Variants in RBFOX1 observed in about 807,000 individuals in gnomAD.
RBFOX1 encodes the protein RNA binding fox-1 homolog 1, also known as RNA binding protein fox-1 homolog 1.
In RBFOX1, 8 loss-of-function variants were observed where a neutral mutation model predicts 57.7. That is an observed-to-expected ratio of 0.14 (90% confidence interval 0.08 to 0.25). RBFOX1 has a LOEUF of 0.25. Ranked by LOEUF, RBFOX1 falls within the 10% of genes least tolerant of loss-of-function variation. RBFOX1 has a pLI of 1.00. For missense variants in RBFOX1, 611 were observed against 548.5 expected (o/e 1.11, Z -1.14); for synonymous variants, 326 against 222.4 (o/e 1.47, Z -4.15).
intron 1 of RBFOX1, among the ~76,000 whole-genome samples, chr16:6,303,959 G>A (rs12920636): frequency 1 from 150,688 of 151,402 alleles, 74,996 homozygotes; most frequent in Middle Eastern, 1. Flanking sequence ...TTACAGGCAC[G>A]CACTACCATG....
chr16:5,525,245 C>T (rs4786037), intron 2 of RBFOX1, among the ~76,000 whole-genome samples: 58,209 of 151,918 alleles, frequency 0.38, 12,657 homozygotes, highest in East Asian at 0.96. Context: ...GGTCTGATCA[C>T]TGTTCCTCAG....
At chr16:6,166,094 G>A (rs76120803) in intron 1 of RBFOX1, among the ~76,000 whole-genome samples, 2 of 152,084 alleles carry the variant, frequency 1.3e-5, no homozygotes, top group African/African-American at 2.4e-5. Flanking sequence ...CTTCCTACTC[G>A]AATTGGTAAA....
chr16:7,278,250 C>G (rs143898332), intron 4 of RBFOX1, among the ~76,000 whole-genome samples: 1 of 152,128 alleles, frequency 6.6e-6, no homozygotes, highest in South Asian at 2.1e-4. Context: ...TTCACAAACC[C>G]CTTGATTGAA....
At chr16:7,509,382 G>A (rs1567581842) in intron 4 of RBFOX1, among the ~76,000 whole-genome samples, 1 of 145,694 alleles carries the variant, frequency 6.9e-6, no homozygotes, top group Non-Finnish European at 1.5e-5. Flanking sequence ...TGTACTAGGA[G>A]CCAAGCCCTG....
chr16:5,306,970 G>A (rs952112260), intron 1 of RBFOX1, among the ~76,000 whole-genome samples: 2 of 152,088 alleles, frequency 1.3e-5, no homozygotes, highest in African/African-American at 4.8e-5. Flanking sequence ...CCCATGGCAG[G>A]CATCTCAGCA....
At chr16:6,744,777 C>G (rs2073173482) in intron 3 of RBFOX1, among the ~76,000 whole-genome samples, 1 of 151,760 alleles carries the variant, frequency 6.6e-6, no homozygotes, top group South Asian at 2.1e-4. Flanking sequence ...TATCTTCTGC[C>G]TTAGAAAAAT....
intron 3 of RBFOX1, among the ~76,000 whole-genome samples, chr16:6,884,592 A>AT (rs976355881): frequency 6.6e-6 from 1 of 152,098 alleles, no homozygotes; most frequent in African/African-American, 2.4e-5. Context: ...TTTTGAAGAG[A>AT]TTAAAAAACA....
At chr16:7,588,682 C>T (rs557227457) in intron 7 of RBFOX1, among the ~76,000 whole-genome samples, 15 of 152,262 alleles carry the variant, frequency 9.9e-5, no homozygotes, top group African/African-American at 3.1e-4. Flanking sequence ...GGTCAGTAAG[C>T]GGTGCTGGTT....
chr16:7,512,848 A>G (rs1452154117), intron 4 of RBFOX1, among the ~76,000 whole-genome samples: 1 of 152,234 alleles, frequency 6.6e-6, no homozygotes, highest in Non-Finnish European at 1.5e-5. Flanking sequence ...CAACCTGGCC[A>G]TTGGAATTGC....
rs149037625 is a variant in RBFOX1, at chr16:7,219,162, C to T, written c.27+167064C>T. Among the ~76,000 whole-genome samples the T allele has an allele frequency of 2.3e-3, 353 of 152,222 alleles. 4 individuals are homozygous for T. The highest frequency in any genetic ancestry group is 7.7e-3 in the African/African-American group (318 of 41,536). On this transcript the variant is annotated intron_variant, in intron 4 of 15. Coordinates refer to ENST00000550418, the MANE Select transcript of RBFOX1 (RefSeq NM_018723.4). The stretch of plus-strand genomic sequence containing the variant: ...GCTCGGAGTAGCCTTGTTAATTCAC[C>T]CCCATGAAAATGGAAGTTTCATACA...
At chr16:7,444,795 G>C (rs987930728) in intron 4 of RBFOX1, among the ~76,000 whole-genome samples, 2 of 152,148 alleles carry the variant, frequency 1.3e-5, no homozygotes, top group African/African-American at 4.8e-5. Flanking sequence ...GCCTTCCAAA[G>C]TGTTGGGGTT....
chr16:5,253,228 C>T (rs2062500073), intron 1 of RBFOX1, among the ~76,000 whole-genome samples: 1 of 152,040 alleles, frequency 6.6e-6, no homozygotes, highest in Admixed American at 6.5e-5. Flanking sequence ...CGGTTCACTG[C>T]AGTCTCTGCC....
At chr16:5,366,050 T>C (rs11865528) in intron 1 of RBFOX1, 276,510 of 476,194 alleles carry the variant, frequency 0.58, 81,143 homozygotes, top group African/African-American at 0.63. Context: ...TGTACAGCAA[T>C]GGTTTCCCTT....
chr16:6,215,384 G>A (rs2097329513), intron 1 of RBFOX1, among the ~76,000 whole-genome samples: 1 of 143,502 alleles, frequency 7.0e-6, no homozygotes, highest in Non-Finnish European at 1.5e-5. Context: ...GGGAGAGCAG[G>A]AGAGACAGAA....
At chr16:5,952,253 C>T (rs938870340) in intron 4 of RBFOX1, among the ~76,000 whole-genome samples, 2 of 151,748 alleles carry the variant, frequency 1.3e-5, no homozygotes, top group African/African-American at 2.4e-5. Context: ...CGGGTTCAAG[C>T]GATTCTCCTG....
At chr16:6,033,348 C>T (rs1302210331) in intron 1 of RBFOX1, among the ~76,000 whole-genome samples, 1 of 152,102 alleles carries the variant, frequency 6.6e-6, no homozygotes, top group East Asian at 1.9e-4. Flanking sequence ...TTAAATGGTA[C>T]AATATTCAAA....
chr16:6,663,404 C>T lies in RBFOX1; in HGVS notation c.-16+8754C>T, dbSNP rs535868044. ...AGGTTGCATATGAGCATGACATAGC[C>T]AGCAGGATTTGTTTCTATTAGTGCC... On this transcript the variant is annotated intron_variant, in intron 3 of 15. Coordinates refer to ENST00000550418, the MANE Select transcript of RBFOX1 (RefSeq NM_018723.4). Among the ~76,000 whole-genome samples the T allele has an allele frequency of 3.9e-5, 6 of 152,284 alleles. No individual in the cohort carries two copies. In the East Asian group the frequency reaches 1.2e-3, roughly 29 times the overall value.
chr16:5,652,179 A>G (rs955603261), intron 3 of RBFOX1, among the ~76,000 whole-genome samples: 119 of 152,316 alleles, frequency 7.8e-4, no homozygotes, highest in African/African-American at 2.9e-3. Context: ...GAAGATATTG[A>G]CAGAGTTAAC....
chr16:6,044,969 C>T lies in RBFOX1; in HGVS notation c.-127+24977C>T, dbSNP rs370548663. 2.0e-5 allele frequency among the ~76,000 whole-genome samples: 3 copies of T among 152,212 alleles called. No individual in the cohort carries two copies. The South Asian group carries it at 6.2e-4, about 31-fold the overall frequency. ...CTATGTCAGTGGCTCTCACTATTGACTGCTCATTAGAATACAGGAAGAAGT... is the reference window on the plus strand; with the variant it reads ...CTATGTCAGTGGCTCTCACTATTGATTGCTCATTAGAATACAGGAAGAAGT... On this transcript the variant is annotated intron_variant, in intron 1 of 15. Coordinates refer to ENST00000550418, the MANE Select transcript of RBFOX1 (RefSeq NM_018723.4).
Sources: allele counts gnomAD v4.1 joint callset (sites outside exome capture counted in the v4.1 genomes callset), GRCh38; gene constraint gnomAD v4.1.1; transcripts MANE v1.5; gene names NCBI Gene and HGNC (gene_info 2026-07-23, HGNC 2026-07-21).